Variants in STXBP2 observed in about 807,000 individuals in gnomAD.
The protein encoded by STXBP2 is syntaxin-binding protein 2.
STXBP2 carries 47 observed loss-of-function variants against 72.2 expected under a neutral mutation model. The ratio of observed to expected loss-of-function variants is 0.65; its 90% CI spans 0.51 to 0.83. The LOEUF (loss-of-function observed/expected upper bound fraction) is 0.83. Ranked by LOEUF, STXBP2 falls within the 40% of genes least tolerant of loss-of-function variation. STXBP2 has a pLI of 0.00. For missense variants in STXBP2, 702 were observed against 807.6 expected (o/e 0.87, Z 1.58); for synonymous variants, 367 against 338.7 (o/e 1.08, Z -0.92).
At chr19:7,631,366 C>T in the STXBP2 span, 30 of 987,956 alleles carry the variant, frequency 3.0e-5, no homozygotes, top group East Asian at 1.2e-4. Flanking sequence ...ACCCTGAAGC[C>T]GTGGTCTGGG....
rs1254577228 is a variant in STXBP2 at position 7,647,853 on chromosome 19, ACTCTTCCCGTCG to A, written c.*48_*59del. On this transcript the variant is annotated 3_prime_UTR_variant, in exon 19 of 19. Coordinates refer to ENST00000221283, the MANE Select transcript of STXBP2 (RefSeq NM_006949.4). ...TACCCCTCCCTTTCCAGAGAAATAA[ACTCTTCCCGTCG>A]CTCTGCCAGCCAGTGCCTACCTCAC... The A allele has an allele frequency of 2.6e-6, 4 of 1,546,646 alleles. No homozygotes were observed. The highest frequency in any genetic ancestry group is 3.6e-6 in the Non-Finnish European group (4 of 1,123,498).
At chr19:7,634,625 C>G (rs1432394754), upstream of STXBP2, among the ~76,000 whole-genome samples, 2 of 152,252 alleles carry the variant, frequency 1.3e-5, no homozygotes, top group Non-Finnish European at 2.9e-5. Context: ...CTGCCTGGGC[C>G]TCCCAAAGTG....
upstream of STXBP2, chr19:7,636,813 A>C: frequency 3.5e-6 from 1 of 285,376 alleles, no homozygotes; most frequent in Admixed American, 5.3e-5. Flanking sequence ...TGTATCTTGC[A>C]GGCACAGAAC....
chr19:7,640,234 C>CTG (rs542899930), intron 4 of STXBP2: 1 of 490,340 alleles, frequency 2.0e-6, no homozygotes, highest in African/African-American at 2.6e-5. Context: ...GTGTGTGCGT[C>CTG]TGTGTGTATC....
intron 16 of STXBP2, 47 bp from the exon 17 acceptor site, chr19:7,647,115 G>A (rs1465214929): frequency 1.3e-6 from 2 of 1,595,950 alleles, no homozygotes; most frequent in Non-Finnish European, 8.6e-7. Context: ...CCTGACCCCG[G>A]ACCCCATGCC....
chr19:7,631,538 C>A, the STXBP2 span: 6 of 1,535,962 alleles, frequency 3.9e-6, no homozygotes, highest in Non-Finnish European at 5.2e-6. Flanking sequence ...TCCTTCGCGA[C>A]GCCCAGCAGA....
At chr19:7,639,964 CTGTGTATGCATG>C (rs1208244318) in intron 4 of STXBP2, 157 bp downstream of exon 4, 23 of 805,262 alleles carry the variant, frequency 2.9e-5, no homozygotes, top group Non-Finnish European at 4.5e-5. Context: ...GTGTGTGCAT[CTGTGTATGCATG>C]TGTGTGCGTG....
rs367553126 is a variant in STXBP2 at position 7,642,817 on chromosome 19, G to A, written c.954G>A (p.Thr318=). 3.2e-5 allele frequency: 52 copies of A among 1,613,950 alleles called. No homozygotes were observed. The highest frequency in any genetic ancestry group is 1.6e-4 in the Middle Eastern group (1 of 6,084). ...RTFCESKRLT[T]DKANIKDLSQ... ...TCTGTGAGAGCAAGAGGCTGACCAC[G>A]GACAAGGTAGGGGCGGACCCAGGTC... is the stretch of plus-strand genomic sequence containing the variant. The change falls in exon 11 of 19, where the codon ACG becomes ACA. Residue 318 remains threonine (T), a synonymous_variant. Transcript: ENST00000221283. This position sits in a 1 kb window ranked among gnomAD's most constrained non-coding sequence, Gnocchi z 6.0.
At chr19:7,647,045 T>G (rs1394522215) in intron 16 of STXBP2, 117 bp from the exon 17 acceptor site, 14 of 1,023,306 alleles carry the variant, frequency 1.4e-5, no homozygotes, top group African/African-American at 3.2e-5. Context: ...AGGCAGGAGG[T>G]GGAGATGCTG....
chr19:7,640,448 G>A (rs1568465500), intron 4 of STXBP2: 1 of 656,868 alleles, frequency 1.5e-6, no homozygotes, highest in East Asian at 2.9e-5. Flanking sequence ...GTGCATGTGT[G>A]TATGTATGTG....
chr19:7,631,670 C>T, the STXBP2 span: 9 of 1,467,248 alleles, frequency 6.1e-6, no homozygotes, highest in South Asian at 1.3e-4. Context: ...CCGAGTGAGA[C>T]CCAGGATGCC....
upstream of STXBP2, chr19:7,632,174 G>A (rs533254524): frequency 3.9e-3 from 2,816 of 716,666 alleles, 12 homozygotes; most frequent in Non-Finnish European, 5.6e-3. This position sits in a 1 kb window ranked among gnomAD's most constrained non-coding sequence, Gnocchi z 5.2. Flanking sequence ...TTGGGGGCAG[G>A]AGCCACAAGT....
chr19:7,647,573 A>G, intron 18 of STXBP2, 62 bp downstream of exon 18: 1 of 1,578,788 alleles, frequency 6.3e-7, no homozygotes, highest in Middle Eastern at 1.8e-4. Flanking sequence ...CTGGGCTTGT[A>G]CCTTCTAGGT....
In STXBP2 at chr19:7,639,976, G is replaced by A. The variant is rs548299319; in HGVS notation, c.246+169G>A. ...TGTGTGTGTGCATCTGTGTATGCAT[G>A]TGTGTGCGTGTTTGCATGTGTGTCT... On this transcript the variant is annotated intron_variant, in intron 4 of 18. Transcript: ENST00000221283. 3.0e-3 allele frequency: 2,285 copies of A among 774,406 alleles called. 5 individuals are homozygous for A. Among genetic ancestry groups the A allele is most frequent in the Non-Finnish European group, 4.0e-3 (1,818 of 459,458 alleles). The allele number at this position is 774,406 out of a possible 1,614,324, so 48.0% of individuals were successfully genotyped here.
At chr19:7,640,394 G>C in intron 4 of STXBP2, 1 of 588,162 alleles carries the variant, frequency 1.7e-6, no homozygotes. Flanking sequence ...GTGTCTGCAT[G>C]TGTGTATATG....
At chr19:7,644,587 G>A (rs1240501724) in intron 13 of STXBP2, 27 bp from the exon 14 acceptor site, 10 of 1,609,170 alleles carry the variant, frequency 6.2e-6, no homozygotes, top group Admixed American at 3.3e-5. Flanking sequence ...CATAGCGGCC[G>A]GTGGACGGCT....
In STXBP2 at chr19:7,646,361, C is replaced by T. The variant is rs866689666; in HGVS notation, c.1452+17C>T. ...GTAATGGAGGTACTGGGTGGCAGGT[C>T]AGGGTGGGGGCCAGCCCTCCGCATC... On this transcript the variant is annotated intron_variant, in intron 16 of 18. Coordinates refer to ENST00000221283, the MANE Select transcript of STXBP2 (RefSeq NM_006949.4). 3 of 1,590,864 alleles carry T rather than the reference C, an allele frequency of 1.9e-6. No homozygotes were observed. Among genetic ancestry groups the T allele is most frequent in the Admixed American group, 3.6e-5 (2 of 55,460 alleles).
upstream of STXBP2, among the ~76,000 whole-genome samples, chr19:7,634,263 CA>C (rs2031447323): frequency 6.6e-6 from 1 of 152,178 alleles, no homozygotes; most frequent in African/African-American, 2.4e-5. Flanking sequence ...CCTCAGTGCC[CA>C]AGCAGGGGAT....
At chr19:7,644,369 T>C in intron 13 of STXBP2, 1 of 563,034 alleles carries the variant, frequency 1.8e-6, no homozygotes, top group Non-Finnish European at 3.2e-6. Context: ...AGAGGTAGTC[T>C]CAGGATAGTG....
Sources: allele counts gnomAD v4.1 joint callset (sites outside exome capture counted in the v4.1 genomes callset), GRCh38; gene constraint gnomAD v4.1.1; non-coding constraint Gnocchi (gnomAD v3.1); transcripts MANE v1.5; gene names NCBI Gene and HGNC (gene_info 2026-07-23, HGNC 2026-07-21).